PPARGC1A: variants seen among roughly 807,000 people sequenced by gnomAD.
The protein encoded by PPARGC1A is peroxisome proliferator-activated receptor gamma coactivator 1-alpha.
Under a neutral mutation model 88.7 loss-of-function variants are expected in PPARGC1A, and 25 were observed. The observed-to-expected ratio is 0.28, with a 90% CI of 0.21 to 0.39. PPARGC1A has a LOEUF of 0.39. Ranked by LOEUF, PPARGC1A falls within the 10% of genes least tolerant of loss-of-function variation. PPARGC1A has a pLI of 1.00. For missense variants in PPARGC1A, 880 were observed against 968.7 expected (o/e 0.91, Z 1.22); for synonymous variants, 363 against 355.6 (o/e 1.02, Z -0.24).
At chr4:23,948,082 C>T in the PPARGC1A span, among the ~76,000 whole-genome samples, 1 of 152,240 alleles carries the variant, frequency 6.6e-6, no homozygotes, top group East Asian at 1.9e-4. Context: ...AGAATGCAGC[C>T]ACACTCTTCT....
At chr4:24,138,059 T>C in the PPARGC1A span, among the ~76,000 whole-genome samples, 1 of 152,292 alleles carries the variant, frequency 6.6e-6, no homozygotes, top group South Asian at 2.1e-4. Context: ...CCAGGTCACG[T>C]GAGCATAGAG....
At chr4:24,384,542 C>A in the PPARGC1A span, among the ~76,000 whole-genome samples, 18 of 139,454 alleles carry the variant, frequency 1.3e-4, no homozygotes, top group African/African-American at 4.8e-4. Context: ...GGAATATTTA[C>A]CAAGCAAATG....
the PPARGC1A span, among the ~76,000 whole-genome samples, chr4:24,195,942 T>A: frequency 2.6e-5 from 4 of 152,162 alleles, no homozygotes; most frequent in Admixed American, 2.6e-4. Flanking sequence ...GAAGTCCCAA[T>A]CAACAACTGA....
the PPARGC1A span, among the ~76,000 whole-genome samples, chr4:24,302,879 TGAAAAA>T: frequency 1.3e-5 from 2 of 152,166 alleles, no homozygotes; most frequent in Admixed American, 1.3e-4. Flanking sequence ...CTTCTCTAAA[TGAAAAA>T]GAAAACCATC....
the PPARGC1A span, among the ~76,000 whole-genome samples, chr4:23,951,850 A>G: frequency 2.6e-5 from 4 of 152,306 alleles, no homozygotes; most frequent in Admixed American, 2.0e-4. Context: ...GAGTCTAATG[A>G]TCATATTCAT....
At chr4:23,889,378 G>A in intron 1 of PPARGC1A, 2 of 984,972 alleles carry the variant, frequency 2.0e-6, no homozygotes, top group Non-Finnish European at 2.4e-6. Context: ...TGTGGGAAAA[G>A]CAATCTAAAA....
At chr4:24,413,779 A>G in the PPARGC1A span, among the ~76,000 whole-genome samples, 4 of 152,224 alleles carry the variant, frequency 2.6e-5, no homozygotes, top group Non-Finnish European at 5.9e-5. Flanking sequence ...CTTGAAAAGC[A>G]GAAAAGATGA....
At chr4:24,298,110 T>C in the PPARGC1A span, among the ~76,000 whole-genome samples, 1 of 151,568 alleles carries the variant, frequency 6.6e-6, no homozygotes, top group African/African-American at 2.4e-5. Flanking sequence ...ACATTATCTG[T>C]GAGAGAAACT....
the PPARGC1A span, among the ~76,000 whole-genome samples, chr4:24,039,194 A>C: frequency 6.6e-6 from 1 of 152,186 alleles, no homozygotes; most frequent in African/African-American, 2.4e-5. Flanking sequence ...GCATATCTTA[A>C]CGGGATAAAA....
In PPARGC1A at chr4:23,850,578, A is replaced by G. The variant is rs539388321; in HGVS notation, c.235-18827T>C. On this transcript the variant is annotated intron_variant, in intron 2 of 12. Transcript: ENST00000264867. ...TTACATCTTTGGCCTTGAAGAAATA[A>G]AATCAAACTTATTTCAAGGCAAAGG... 3.3e-5 allele frequency among the ~76,000 whole-genome samples: 5 copies of G among 152,324 alleles called. No individual in the cohort carries two copies. In the South Asian group the frequency reaches 1.0e-3, roughly 32 times the overall value.
At chr4:24,109,402 T>G in the PPARGC1A span, among the ~76,000 whole-genome samples, 3 of 152,064 alleles carry the variant, frequency 2.0e-5, no homozygotes, top group Non-Finnish European at 4.4e-5. Context: ...TTGGGGGTTG[T>G]GGGTGGGAAG....
chr4:23,808,017 C>T (rs1383998500), intron 10 of PPARGC1A, among the ~76,000 whole-genome samples: 7 of 151,866 alleles, frequency 4.6e-5, no homozygotes, highest in East Asian at 3.9e-4. Context: ...TTTGGGAGGC[C>T]GAGGTGGGCA....
chr4:24,114,708 C>T, the PPARGC1A span, among the ~76,000 whole-genome samples: 2 of 152,214 alleles, frequency 1.3e-5, no homozygotes, highest in African/African-American at 4.8e-5. Flanking sequence ...TCAAGTTTCA[C>T]TCATCCCTGA....
chr4:24,353,192 CT>C, the PPARGC1A span, among the ~76,000 whole-genome samples: 132 of 144,076 alleles, frequency 9.2e-4, no homozygotes, highest in East Asian at 1.2e-3. Flanking sequence ...AATAATCAAT[CT>C]TTTTTTTTTT....
At chr4:24,378,326 G>C in the PPARGC1A span, among the ~76,000 whole-genome samples, 13 of 152,034 alleles carry the variant, frequency 8.6e-5, no homozygotes, top group African/African-American at 2.9e-4. Flanking sequence ...AGCAGAGTTA[G>C]AATTCATCTC....
At chr4:24,262,476 C>T in the PPARGC1A span, among the ~76,000 whole-genome samples, 12 of 152,238 alleles carry the variant, frequency 7.9e-5, no homozygotes, top group Non-Finnish European at 5.9e-5. Context: ...AAACATGAAA[C>T]GAACACATCA....
chr4:24,268,194 CAAT>C, the PPARGC1A span, among the ~76,000 whole-genome samples: 2 of 152,260 alleles, frequency 1.3e-5, no homozygotes, highest in African/African-American at 2.4e-5. Flanking sequence ...TCCAGTAAAA[CAAT>C]AATAAGTAAA....
chr4:24,078,150 G>A, the PPARGC1A span, among the ~76,000 whole-genome samples: 1 of 151,840 alleles, frequency 6.6e-6, no homozygotes, highest in East Asian at 1.9e-4. Context: ...CACATTAGAG[G>A]CCTTCCAAGA....
chr4:23,909,486 T>G, the PPARGC1A span, among the ~76,000 whole-genome samples: 1 of 151,894 alleles, frequency 6.6e-6, no homozygotes, highest in Non-Finnish European at 1.5e-5. Flanking sequence ...GCCCCTCTAA[T>G]AAAAGTTCTG....
Sources: gnomAD v4.1 joint callset for allele counts (sites outside exome capture counted in the v4.1 genomes callset) on GRCh38, gnomAD v4.1.1 for gene constraint, MANE v1.5 for transcripts, NCBI Gene and HGNC (gene_info 2026-07-23, HGNC 2026-07-21) for gene names.